PIWIL3: variants seen among roughly 807,000 people sequenced by gnomAD.
PIWIL3 encodes piwi-like protein 3.
PIWIL3 carries 101 observed loss-of-function variants against 109.7 expected under a neutral mutation model. The ratio of observed to expected loss-of-function variants is 0.92; its 90% CI spans 0.78 to 1.09. The LOEUF (loss-of-function observed/expected upper bound fraction) is 1.09, where lower values mean the gene tolerates loss of function less well. Ranked by LOEUF, PIWIL3 falls within the 50% of genes least tolerant of loss-of-function variation. The pLI, the probability that PIWIL3 is intolerant of heterozygous loss-of-function variation, is 0.00. For missense variants in PIWIL3, 1,031 were observed against 1,072.6 expected, an observed-to-expected ratio of 0.96 and a Z score of 0.54; for synonymous variants, 373 against 376.4, an observed-to-expected ratio of 0.99 and a Z score of 0.10.
chr22:24,746,175 T>TA (rs1924356179), intron 12 of PIWIL3, among the ~76,000 whole-genome samples: 2 of 152,000 alleles, frequency 1.3e-5, no homozygotes, highest in African/African-American at 2.4e-5. Flanking sequence ...AACACTGATA[T>TA]AAAAAATCCT....
chr22:24,750,769 T>C (rs13055031), intron 9 of PIWIL3, among the ~76,000 whole-genome samples: 47,285 of 148,692 alleles, frequency 0.32, 7,796 homozygotes, highest in East Asian at 0.54. Flanking sequence ...ATTACAGGTG[T>C]GAGCCACTGC....
chr22:24,733,948 T>G lies in PIWIL3; in HGVS notation c.1707+136A>C, dbSNP rs932840097. On this transcript the variant is annotated intron_variant, in intron 14 of 20. Transcript: ENST00000616349. ...ATAGCTAAACCATGAAAGTTTGTAT[T>G]CAGCTAATAGCAGGTTAATCTGCTT... 36 of 827,310 alleles carry G rather than the reference T, an allele frequency of 4.4e-5. No individual in the cohort carries two copies. In the African/African-American group the frequency reaches 5.3e-4, roughly 12 times the overall value. The allele number at this position is 827,310 out of a possible 1,614,324, so 51.2% of individuals were successfully genotyped here.
At chr22:24,742,246 C>T (rs1455564348) in intron 12 of PIWIL3, among the ~76,000 whole-genome samples, 2 of 150,076 alleles carry the variant, frequency 1.3e-5, no homozygotes, top group African/African-American at 4.9e-5. Context: ...AAAGAAATCA[C>T]AGGTGACACA....
Position 24,734,095 on chromosome 22 carries a change from T to C in PIWIL3, c.1696A>G (p.Thr566Ala), listed in dbSNP as rs1254084857. 1 of 1,611,384 alleles carries C rather than the reference T, an allele frequency of 6.2e-7. No homozygotes were observed. Among genetic ancestry groups the C allele is most frequent in the African/African-American group, 1.3e-5 (1 of 74,984 alleles). ...AACTAGACACTTACCATCTGCAGTGTTGGTCTAGTATATTTCCGTAATGTG... is the reference window on the plus strand; with the variant it reads ...AACTAGACACTTACCATCTGCAGTGCTGGTCTAGTATATTTCCGTAATGTG... ...IDTLRKYTRPTLQMVICILPN... is the reference protein window; with the variant it reads ...IDTLRKYTRPALQMVICILPN... Residue 566 changes from threonine to alanine, a missense_variant, in exon 14 of 21, where the codon ACA becomes GCA. Physicochemically the swap from Thr to Ala is moderately conservative, Grantham distance 58. Coordinates refer to ENST00000616349, the MANE Select transcript of PIWIL3 (RefSeq NM_001255975.1).
chr22:24,720,123 A>C (rs1429923027), intron 19 of PIWIL3, among the ~76,000 whole-genome samples: 1 of 152,212 alleles, frequency 6.6e-6, no homozygotes, highest in African/African-American at 2.4e-5. Context: ...TTTTGCCTTC[A>C]AGTACATGCA....
chr22:24,751,136 G>T (rs1171878135), intron 9 of PIWIL3, among the ~76,000 whole-genome samples: 1 of 151,382 alleles, frequency 6.6e-6, no homozygotes, highest in Non-Finnish European at 1.5e-5. Context: ...AAAAAAAAAA[G>T]TATGATAGTA....
At chr22:24,736,026 AT>A in intron 12 of PIWIL3, 134 bp from the exon 13 acceptor site, 1 of 720,280 alleles carries the variant, frequency 1.4e-6, no homozygotes, top group Non-Finnish European at 2.2e-6. Flanking sequence ...CAATGTAGGT[AT>A]TTTTTTCATT....
At chr22:24,742,367 T>A (rs1924057489) in intron 12 of PIWIL3, among the ~76,000 whole-genome samples, 1 of 146,164 alleles carries the variant, frequency 6.8e-6, no homozygotes, top group Non-Finnish European at 1.5e-5. Flanking sequence ...AATACCATCA[T>A]CATTCTTCAT....
chr22:24,747,984 A>G (rs1309405843), intron 12 of PIWIL3, among the ~76,000 whole-genome samples: 2 of 152,230 alleles, frequency 1.3e-5, no homozygotes, highest in Admixed American at 6.5e-5. Context: ...CTGTACTTCC[A>G]TGTTTATTGC....
intron 12 of PIWIL3, among the ~76,000 whole-genome samples, chr22:24,741,440 G>C (rs1288349767): frequency 4.6e-5 from 7 of 152,144 alleles, no homozygotes; most frequent in South Asian, 4.1e-4. Context: ...ACAGGCAGAG[G>C]TTGTAGTGAA....
chr22:24,762,596 G>A, intron 1 of PIWIL3, 75 bp from the exon 2 acceptor site: 1 of 1,186,406 alleles, frequency 8.4e-7, no homozygotes, highest in South Asian at 1.6e-5. Context: ...TGCTACAACA[G>A]AATATCTGAG....
At chr22:24,754,281 C>T in intron 7 of PIWIL3, 64 bp from the exon 8 acceptor site, 1 of 1,421,110 alleles carries the variant, frequency 7.0e-7, no homozygotes, top group South Asian at 1.3e-5. Context: ...GTTTCCAAGC[C>T]TAAGCTCTGG....
At position 24,767,261 on chromosome 22, in the gene PIWIL3, C is replaced by T. The variant is rs932247808; in HGVS notation, c.-22-4740G>A. 5.9e-5 allele frequency among the ~76,000 whole-genome samples: 9 copies of T among 151,930 alleles called. No individual in the cohort carries two copies. In the South Asian group the frequency reaches 6.2e-4, roughly 11 times the overall value. On this transcript the variant is annotated intron_variant, in intron 1 of 20. Transcript: ENST00000616349. ...ACTTGAAAATTCCTGGCCAGCTGGG[C>T]GGGGTGACTCAGGCCTGCAATCCCA...
intron 16 of PIWIL3, among the ~76,000 whole-genome samples, chr22:24,727,597 T>C (rs1343107337): frequency 2.0e-5 from 3 of 152,182 alleles, no homozygotes; most frequent in Non-Finnish European, 4.4e-5. Context: ...CTATCAAGCC[T>C]CCAGATGATA....
chr22:24,726,345 T>C (rs1469053345), intron 16 of PIWIL3, among the ~76,000 whole-genome samples: 2 of 151,874 alleles, frequency 1.3e-5, no homozygotes, highest in Admixed American at 6.6e-5. Flanking sequence ...TGCAGTGGCG[T>C]GATCTTGGCT....
At chr22:24,761,876 G>A in intron 2 of PIWIL3, 2 of 835,598 alleles carry the variant, frequency 2.4e-6, no homozygotes, top group Non-Finnish European at 2.9e-6. Flanking sequence ...AGAATAAGTG[G>A]ACCTGGAAGG....
Position 24,762,541 on chromosome 22 carries a change from T to C in PIWIL3, c.-22-20A>G. 2 of 1,573,684 alleles carry C rather than the reference T, an allele frequency of 1.3e-6. No homozygotes were observed. The highest frequency in any genetic ancestry group is 1.7e-6 in the Non-Finnish European group (2 of 1,160,628). ...ATGACCCTGAAGAATACAGTTATATTAGACATCTCTGTGGAGTTGCCTGGT... is the reference window on the plus strand; with the variant it reads ...ATGACCCTGAAGAATACAGTTATATCAGACATCTCTGTGGAGTTGCCTGGT... On this transcript the variant is annotated intron_variant, in intron 1 of 20. Transcript: ENST00000616349.
intron 14 of PIWIL3, among the ~76,000 whole-genome samples, chr22:24,729,933 C>CTTTTTTTT (rs77524370): frequency 7.9e-6 from 1 of 125,904 alleles, no homozygotes; most frequent in African/African-American, 2.9e-5. Flanking sequence ...TCTACTTTTT[C>CTTTTTTTT]TTTTTTTTTT....
In PIWIL3 at chr22:24,744,274, T is replaced by C. The variant is rs1046736203; in HGVS notation, c.1449+4633A>G. 5.6e-5 allele frequency among the ~76,000 whole-genome samples: 7 copies of C among 125,896 alleles called. 1 individual carries two copies. The highest frequency in any genetic ancestry group is 1.0e-4 in the Non-Finnish European group (6 of 59,466). The allele number at this position is 125,896 out of a possible 152,430, so 82.6% of individuals were successfully genotyped here. ...CTCACATAGACTGAAAATAAAGGCA[T>C]GAAAAAACACAAAAAAGGCCAGGTG... On this transcript the variant is annotated intron_variant, in intron 12 of 20. Coordinates refer to ENST00000616349, the MANE Select transcript of PIWIL3 (RefSeq NM_001255975.1).
Sources: allele counts gnomAD v4.1 joint callset (sites outside exome capture counted in the v4.1 genomes callset), GRCh38; gene constraint gnomAD v4.1.1; transcripts MANE v1.5; gene names NCBI Gene and HGNC (gene_info 2026-07-23, HGNC 2026-07-21).